The following GNB4 variants were observed in gnomAD, a reference collection of about 807,000 sequenced individuals.
GNB4 encodes G protein subunit beta 4.
GNB4 carries 28 observed loss-of-function variants against 45.2 expected under a neutral mutation model. The observed-to-expected ratio is 0.62, with a 90% CI of 0.46 to 0.85. GNB4 has a LOEUF of 0.85. Ranked by LOEUF, GNB4 falls within the 40% of genes least tolerant of loss-of-function variation. The probability of loss-of-function intolerance (pLI) is 0.00; values close to 1 mark genes in which losing one functional copy is unlikely to be tolerated. For synonymous variants in GNB4, 132 were observed against 143.7 expected, an observed-to-expected ratio of 0.92 and a Z score of 0.58; for missense variants, 321 against 425.4, an observed-to-expected ratio of 0.75 and a Z score of 2.16.
chr3:179,455,823 T>C (rs116525232), upstream of GNB4, among the ~76,000 whole-genome samples: 825 of 152,328 alleles, frequency 5.4e-3, 8 homozygotes, highest in African/African-American at 0.019. Flanking sequence ...TTGACTCTTA[T>C]TAAGATGGCA....
chr3:179,520,435 C>G, the GNB4 span, among the ~76,000 whole-genome samples: 1 of 151,930 alleles, frequency 6.6e-6, no homozygotes, highest in Non-Finnish European at 1.5e-5. Flanking sequence ...AGAGCTGGGA[C>G]CGTGCCCTAT....
rs569442187 is a variant in GNB4, at chr3:179,413,657, G to T, written c.498-44C>A. On this transcript the variant is annotated intron_variant, in intron 7 of 9. Coordinates refer to ENST00000232564, the MANE Select transcript of GNB4 (RefSeq NM_021629.4). ...TTTCATGACAATTACTTCTTCTTAT[G>T]TCAGTTCCTGCTACCACCCTCAAAC... 38 of 1,610,754 alleles carry T rather than the reference G, an allele frequency of 2.4e-5. No individual in the cohort carries two copies. In the South Asian group the frequency reaches 3.8e-4, roughly 16 times the overall value.
At chr3:179,434,983 G>T (rs1189890014) in intron 1 of GNB4, among the ~76,000 whole-genome samples, 3 of 152,006 alleles carry the variant, frequency 2.0e-5, no homozygotes, top group Non-Finnish European at 4.4e-5. Flanking sequence ...GGAATCAAAG[G>T]TGAGTATATT....
upstream of GNB4, among the ~76,000 whole-genome samples, chr3:179,453,161 AG>A (rs1351360904): frequency 6.6e-6 from 1 of 152,088 alleles, no homozygotes; most frequent in Admixed American, 6.5e-5. Context: ...TTTTGTTTTG[AG>A]ACGGAGTCAC....
chr3:179,496,261 T>C, the GNB4 span, among the ~76,000 whole-genome samples: 3 of 152,170 alleles, frequency 2.0e-5, no homozygotes, highest in East Asian at 5.8e-4. Flanking sequence ...TAGACTGTTA[T>C]AACTATGTTT....
At chr3:179,514,882 C>G in the GNB4 span, among the ~76,000 whole-genome samples, 854 of 152,330 alleles carry the variant, frequency 5.6e-3, 24 homozygotes, top group East Asian at 0.066. Context: ...ACACAACTTA[C>G]TTTTGGTTTA....
chr3:179,464,561 G>A, the GNB4 span: 77 of 1,549,954 alleles, frequency 5.0e-5, no homozygotes, highest in African/African-American at 9.9e-4. Flanking sequence ...ACCTGAGCAT[G>A]ATCCTGGTTG....
the GNB4 span, among the ~76,000 whole-genome samples, chr3:179,522,737 A>T: frequency 6.6e-6 from 1 of 152,136 alleles, no homozygotes; most frequent in Admixed American, 6.5e-5. Flanking sequence ...AAATATGGGG[A>T]AATGGAGTGA....
chr3:179,444,422 TG>T (rs1163615911), intron 1 of GNB4, among the ~76,000 whole-genome samples: 9 of 141,732 alleles, frequency 6.4e-5, no homozygotes, highest in East Asian at 2.0e-4. Flanking sequence ...TTTTTCAGGG[TG>T]TTTTTTTTTT....
At chr3:179,406,958 G>C (rs1365702838) in intron 8 of GNB4, among the ~76,000 whole-genome samples, 1 of 152,020 alleles carries the variant, frequency 6.6e-6, no homozygotes, top group Non-Finnish European at 1.5e-5. Flanking sequence ...AAGACCCTTG[G>C]ACCTTCTACT....
chr3:179,499,360 C>T, the GNB4 span, among the ~76,000 whole-genome samples: 6 of 152,142 alleles, frequency 3.9e-5, no homozygotes, highest in East Asian at 9.7e-4. Flanking sequence ...AGGGTTTCAC[C>T]GTGTTAGCCG....
chr3:179,472,453 C>T, the GNB4 span, among the ~76,000 whole-genome samples: 4 of 149,628 alleles, frequency 2.7e-5, no homozygotes, highest in Non-Finnish European at 5.9e-5. Context: ...CTCACTGCAG[C>T]CTCAACCTCC....
At chr3:179,525,915 C>T in the GNB4 span, among the ~76,000 whole-genome samples, 47 of 152,296 alleles carry the variant, frequency 3.1e-4, no homozygotes, top group African/African-American at 1.1e-3. Context: ...GACAGGGGAC[C>T]GGTCTCCCGA....
the GNB4 span, among the ~76,000 whole-genome samples, chr3:179,526,024 C>T: frequency 5.3e-5 from 8 of 152,274 alleles, no homozygotes; most frequent in East Asian, 1.4e-3. Context: ...CTGTTTATTT[C>T]ACCTGGGTGC....
the GNB4 span, among the ~76,000 whole-genome samples, chr3:179,525,077 G>C: frequency 2.6e-4 from 40 of 152,242 alleles, no homozygotes; most frequent in African/African-American, 9.6e-4. Flanking sequence ...GCAGACTTAA[G>C]GAACAGACAG....
the GNB4 span, among the ~76,000 whole-genome samples, chr3:179,505,836 A>G: frequency 1.3e-5 from 2 of 152,198 alleles, no homozygotes; most frequent in Non-Finnish European, 2.9e-5. Flanking sequence ...ACTACGTCCC[A>G]AAGTGAAGAG....
At chr3:179,521,483 C>A in the GNB4 span, among the ~76,000 whole-genome samples, 11 of 152,292 alleles carry the variant, frequency 7.2e-5, no homozygotes, top group Non-Finnish European at 8.8e-5. Context: ...GACACCAGAC[C>A]AACTTGGACT....
chr3:179,448,294 C>T (rs1715787700), intron 1 of GNB4, among the ~76,000 whole-genome samples: 2 of 152,296 alleles, frequency 1.3e-5, no homozygotes, highest in African/African-American at 2.4e-5. Flanking sequence ...TCTTCTTCCA[C>T]GTTGGAAACC....
chr3:179,450,773 T>C (rs895427452), intron 1 of GNB4, among the ~76,000 whole-genome samples: 4 of 152,222 alleles, frequency 2.6e-5, no homozygotes, highest in African/African-American at 9.6e-5. Context: ...CTTTTTATTG[T>C]ACTGAACTCA....
Sources: gnomAD v4.1 joint callset for allele counts (sites outside exome capture counted in the v4.1 genomes callset) on GRCh38, gnomAD v4.1.1 for gene constraint, MANE v1.5 for transcripts, NCBI Gene and HGNC (gene_info 2026-07-23, HGNC 2026-07-21) for gene names.